ORC3: variants seen among roughly 807,000 people sequenced by gnomAD.
ORC3 encodes origin recognition complex subunit 3.
ORC3 carries 78 observed loss-of-function variants against 100.7 expected under a neutral mutation model. The observed-to-expected ratio is 0.77, with a 90% CI of 0.65 to 0.94. ORC3 has a LOEUF of 0.94. ORC3 is among the 40% of genes least tolerant of loss of function. The pLI is 0.00. For synonymous variants in ORC3, 295 were observed against 289.3 expected (o/e 1.02, Z -0.20); for missense variants, 789 against 823.9 (o/e 0.96, Z 0.52).
At chr6:87,666,435 C>CTTTTTTTT (rs398002192) in intron 19 of ORC3, among the ~76,000 whole-genome samples, 1 of 97,660 alleles carries the variant, frequency 1.0e-5, no homozygotes, top group African/African-American at 4.1e-5. Flanking sequence ...CGGCCTAATT[C>CTTTTTTTT]TTTTTTTTTT....
At chr6:87,628,086 A>T (rs756830177) in intron 11 of ORC3, among the ~76,000 whole-genome samples, 7 of 152,244 alleles carry the variant, frequency 4.6e-5, no homozygotes, top group Non-Finnish European at 1.0e-4. Flanking sequence ...TGTACTTTTA[A>T]ATGTAAAAAT....
At chr6:87,665,945 T>C (rs763761334) in intron 19 of ORC3, 112 bp downstream of exon 19, 19 of 593,790 alleles carry the variant, frequency 3.2e-5, no homozygotes, top group Non-Finnish European at 5.4e-5. Context: ...ACAACCGTAT[T>C]ACTTGTTAAT....
chr6:87,624,677 C>T (rs1779764331), intron 11 of ORC3, among the ~76,000 whole-genome samples: 1 of 151,940 alleles, frequency 6.6e-6, no homozygotes, highest in Admixed American at 6.6e-5. Flanking sequence ...AATCACTTAC[C>T]TTATTTAAGC....
intron 11 of ORC3, among the ~76,000 whole-genome samples, chr6:87,627,297 C>CTTTTTTTTTT (rs71554739): frequency 6.2e-5 from 7 of 113,430 alleles, no homozygotes; most frequent in Non-Finnish European, 7.1e-5. Flanking sequence ...CCGCGCCCAG[C>CTTTTTTTTTT]TTTTTTTTTT....
intron 2 of ORC3, among the ~76,000 whole-genome samples, chr6:87,595,892 G>A (rs1050311695): frequency 2.6e-5 from 4 of 151,986 alleles, no homozygotes; most frequent in East Asian, 1.9e-4. Flanking sequence ...TCAGTTCGGC[G>A]GCCTGATCAT....
chr6:87,611,200 G>A (rs1436466377), intron 7 of ORC3, among the ~76,000 whole-genome samples: 3 of 151,856 alleles, frequency 2.0e-5, no homozygotes, highest in East Asian at 3.9e-4. Context: ...GTCTCCCAAC[G>A]TGCTGGGATT....
intron 2 of ORC3, chr6:87,595,057 T>C (rs1417325333): frequency 6.6e-6 from 1 of 152,242 alleles, no homozygotes; most frequent in Non-Finnish European, 1.5e-5. Context: ...ATTTTAGAAC[T>C]TAGGGCTTAG....
At position 87,667,274 on chromosome 6, in the gene ORC3, C is replaced by T; in HGVS notation, c.*151C>T. On this transcript the variant is annotated 3_prime_UTR_variant, in exon 20 of 20. Coordinates refer to ENST00000392844, the MANE Select transcript of ORC3 (RefSeq NM_012381.4). ...TAACCAGAAAAGTACATTGCTAACC[C>T]CAAACAGGCATGTATCAAAACACCT... 1 of 538,438 alleles carries T rather than the reference C, an allele frequency of 1.9e-6. No homozygotes were observed. The highest frequency in any genetic ancestry group is 3.3e-6 in the Non-Finnish European group (1 of 307,068). The allele number at this position is 538,438 out of a possible 1,614,324, so 33.4% of individuals were successfully genotyped here. A position where few individuals can be genotyped will look rare whatever the true frequency, so the allele number is the denominator to read the frequency against.
At chr6:87,634,738 G>T (rs754670660) in intron 11 of ORC3, 107 bp from the exon 12 acceptor site, 1 of 521,294 alleles carries the variant, frequency 1.9e-6, no homozygotes, top group Non-Finnish European at 3.3e-6. Context: ...TTGTAGTTTT[G>T]AATCTTGTCA....
At chr6:87,631,820 T>C (rs1287594848) in intron 11 of ORC3, among the ~76,000 whole-genome samples, 1 of 152,126 alleles carries the variant, frequency 6.6e-6, no homozygotes, top group Non-Finnish European at 1.5e-5. Flanking sequence ...TCAAAACCTT[T>C]TACAGGTTTG....
Position 87,621,494 on chromosome 6 carries a change from A to G in ORC3, c.1121+7A>G. On this transcript the variant is annotated splice_region_variant and intron_variant, in intron 10 of 19. Coordinates refer to ENST00000392844, the MANE Select transcript of ORC3 (RefSeq NM_012381.4). ...GTCTACCATCTTTTAGGAGGTAAAA[A>G]GAGAAGTACATGTTTAACACATACT... 1 of 1,571,402 alleles carries G rather than the reference A, an allele frequency of 6.4e-7. No individual in the cohort carries two copies. The highest frequency in any genetic ancestry group is 8.6e-7 in the Non-Finnish European group (1 of 1,161,564).
At chr6:87,595,891 C>T (rs1209058712) in intron 2 of ORC3, among the ~76,000 whole-genome samples, 3 of 152,076 alleles carry the variant, frequency 2.0e-5, no homozygotes, top group Non-Finnish European at 4.4e-5. Context: ...TTCAGTTCGG[C>T]GGCCTGATCA....
chr6:87,606,636 T>G (rs940054966), intron 5 of ORC3, among the ~76,000 whole-genome samples: 4 of 152,264 alleles, frequency 2.6e-5, no homozygotes, highest in African/African-American at 9.6e-5. Context: ...CTCAAGCAGT[T>G]CTCCCACTTC....
chr6:87,666,831 C>T (rs1770682768), intron 19 of ORC3, among the ~76,000 whole-genome samples, 187 bp from the exon 20 acceptor site: 3 of 152,124 alleles, frequency 2.0e-5, no homozygotes, highest in Non-Finnish European at 2.9e-5. Context: ...GCATTAAGTA[C>T]TTTTCCATTT....
chr6:87,628,975 CTT>C (rs1323487921), intron 11 of ORC3, among the ~76,000 whole-genome samples: 1 of 152,200 alleles, frequency 6.6e-6, no homozygotes, highest in Non-Finnish European at 1.5e-5. Flanking sequence ...AATTCAAACT[CTT>C]TGTCAAGTGC....
chr6:87,590,405 G>A (rs1018358369), intron 1 of ORC3, among the ~76,000 whole-genome samples: 1 of 152,192 alleles, frequency 6.6e-6, no homozygotes, highest in Non-Finnish European at 1.5e-5. Context: ...TGGCTAGGAG[G>A]ATTTTTAAGT....
At chr6:87,635,854 T>A (rs1209654349) in intron 12 of ORC3, among the ~76,000 whole-genome samples, 2 of 152,204 alleles carry the variant, frequency 1.3e-5, no homozygotes, top group African/African-American at 4.8e-5. Flanking sequence ...GAGCCTCTTT[T>A]TCTCATTTTT....
intron 2 of ORC3, among the ~76,000 whole-genome samples, chr6:87,599,768 G>T (rs920034452): frequency 1.3e-5 from 2 of 151,534 alleles, no homozygotes; most frequent in African/African-American, 4.8e-5. Context: ...TTGAGGTCAG[G>T]TGTTCAAGAC....
At chr6:87,674,641 TA>T in the ORC3 span, among the ~76,000 whole-genome samples, 47 of 142,758 alleles carry the variant, frequency 3.3e-4, no homozygotes, top group East Asian at 9.8e-4. Flanking sequence ...TATATATATA[TA>T]TTTTTTTTTT....
Sources: allele counts gnomAD v4.1 joint callset (sites outside exome capture counted in the v4.1 genomes callset), GRCh38; gene constraint gnomAD v4.1.1; transcripts MANE v1.5; gene names NCBI Gene and HGNC (gene_info 2026-07-23, HGNC 2026-07-21).